The following ABLIM1 variants were observed in gnomAD, a reference collection of about 807,000 sequenced individuals.
ABLIM1 encodes actin-binding LIM protein 1.
In ABLIM1, 40 loss-of-function variants were observed where a neutral mutation model predicts 107.0. The observed-to-expected ratio is 0.37, with a 90% CI of 0.29 to 0.49. The LOEUF (loss-of-function observed/expected upper bound fraction) is 0.49, where lower values mean the gene tolerates loss of function less well. ABLIM1 is among the 20% of genes least tolerant of loss of function. The pLI is 0.97. For synonymous variants in ABLIM1, 357 were observed against 357.3 expected, an observed-to-expected ratio of 1.00 and a Z score of 0.01; for missense variants, 857 against 1,008.5, an observed-to-expected ratio of 0.85 and a Z score of 2.04.
chr10:114,632,496 CA>C (rs2078253675), intron 1 of ABLIM1: 1 of 983,372 alleles, frequency 1.0e-6, no homozygotes, highest in South Asian at 4.8e-5. Flanking sequence ...TAATGTAAAA[CA>C]AAAACAGAAT....
At chr10:114,728,590 G>A (rs1388007722) in intron 1 of ABLIM1, among the ~76,000 whole-genome samples, 62 of 67,528 alleles carry the variant, frequency 9.2e-4, no homozygotes, top group Middle Eastern at 9.6e-3. Flanking sequence ...AAAATGGAGA[G>A]CCAAAAAAAA....
intron 9 of ABLIM1, among the ~76,000 whole-genome samples, chr10:114,473,476 G>A (rs1052158984): frequency 5.9e-5 from 9 of 152,076 alleles, no homozygotes; most frequent in Admixed American, 1.3e-4. Context: ...AACAAGAACT[G>A]CATAATTAAT....
At chr10:114,618,997 C>T (rs1280186653) in intron 1 of ABLIM1, among the ~76,000 whole-genome samples, 1 of 151,924 alleles carries the variant, frequency 6.6e-6, no homozygotes, top group Non-Finnish European at 1.5e-5. Flanking sequence ...TTTTTGAATC[C>T]TGTTGTATAT....
rs184984420 is a variant in ABLIM1, at chr10:114,694,553, G to A, written c.-213+73508C>T. 6.6e-5 allele frequency among the ~76,000 whole-genome samples: 10 copies of A among 152,090 alleles called. No individual in the cohort carries two copies. In the East Asian group the frequency reaches 1.5e-3, roughly 23 times the overall value. ...ATTTAGCAAGTTATTTTATCTATAC[G>A]TATCTCCATATTCTCACCTGTAAGA... is the stretch of plus-strand genomic sequence containing the variant. On this transcript the variant is annotated intron_variant, in intron 1 of 15. Transcript: ENST00000651092.
intron 1 of ABLIM1, among the ~76,000 whole-genome samples, chr10:114,705,659 A>C (rs2081405871): frequency 6.6e-6 from 1 of 152,218 alleles, no homozygotes. Flanking sequence ...GCTGGGCACC[A>C]TGATAGGCAC....
chr10:114,732,592 A>G (rs115452969), intron 1 of ABLIM1, among the ~76,000 whole-genome samples: 3,142 of 152,150 alleles, frequency 0.021, 98 homozygotes, highest in African/African-American at 0.07. Context: ...TATTCCATTT[A>G]TTTTTTCCTT....
At chr10:114,608,532 G>C (rs1464904931) in intron 1 of ABLIM1, among the ~76,000 whole-genome samples, 1 of 152,012 alleles carries the variant, frequency 6.6e-6, no homozygotes, top group Non-Finnish European at 1.5e-5. Context: ...AGCTGGGCGT[G>C]GTGGCGTATG....
At chr10:114,483,494 C>T (rs916430590) in intron 8 of ABLIM1, among the ~76,000 whole-genome samples, 2 of 152,104 alleles carry the variant, frequency 1.3e-5, no homozygotes, top group African/African-American at 4.8e-5. Flanking sequence ...CCAGGCTGGT[C>T]TCAAACTCCT....
chr10:114,473,939 C>T lies in ABLIM1; in HGVS notation c.1059G>A (p.Ser353=), dbSNP rs879103167. The T allele has an allele frequency of 1.2e-5, 20 of 1,613,650 alleles. No individual in the cohort carries two copies. Among genetic ancestry groups the T allele is most frequent in the South Asian group, 5.5e-5 (5 of 91,056 alleles). ...EEKLRPTRTS[S]ESIYSRPGSS... is the part of the protein sequence containing the mutation. ...AGCCTGGCCTAGAATAAATACTTTCCGAGGATGTCCTGGTAGGCTGTAAAA... is the reference window on the plus strand; with the variant it reads ...AGCCTGGCCTAGAATAAATACTTTCTGAGGATGTCCTGGTAGGCTGTAAAA... Residue 353 remains serine (S), a synonymous_variant, in exon 9 of 23, where the codon TCG becomes TCA. Coordinates refer to ENST00000533213, the MANE Select transcript of ABLIM1 (RefSeq NM_002313.7).
chr10:114,449,118 T>C (rs1334521755), intron 14 of ABLIM1, among the ~76,000 whole-genome samples: 1 of 152,168 alleles, frequency 6.6e-6, no homozygotes, highest in African/African-American at 2.4e-5. Flanking sequence ...AGCAGCAATA[T>C]TAGTTCACAA....
chr10:114,682,406 C>G (rs768172506), intron 1 of ABLIM1, among the ~76,000 whole-genome samples: 4 of 152,092 alleles, frequency 2.6e-5, no homozygotes, highest in Admixed American at 2.6e-4. Context: ...CATCCGGGAA[C>G]CAGCTACTGA....
chr10:114,655,309 C>A (rs1011130690), intron 1 of ABLIM1, among the ~76,000 whole-genome samples: 2 of 152,196 alleles, frequency 1.3e-5, no homozygotes, highest in Non-Finnish European at 2.9e-5. Context: ...AGAACTCTCT[C>A]GGATACTGTT....
At chr10:114,498,991 G>A (rs754000404) in intron 6 of ABLIM1, among the ~76,000 whole-genome samples, 4 of 152,210 alleles carry the variant, frequency 2.6e-5, no homozygotes, top group African/African-American at 4.8e-5. Context: ...TATGAGGTAG[G>A]TCGGTGCTAT....
At chr10:114,508,191 A>T (rs1490493663) in intron 6 of ABLIM1, among the ~76,000 whole-genome samples, 1 of 152,112 alleles carries the variant, frequency 6.6e-6, no homozygotes, top group Admixed American at 6.5e-5. Context: ...TCACAAATTT[A>T]CCCTGTTTAG....
At position 114,436,290 on chromosome 10, in the gene ABLIM1, G is replaced by A. The variant is rs745592459; in HGVS notation, c.2307C>T (p.Asn769=). The change falls in exon 23 of 23, where the codon AAC becomes AAT. Residue 769 remains asparagine, a synonymous_variant. Transcript: ENST00000533213. ...AGAGTTTTGCTTTTTTCTTCATGTC[G>A]TTGCGTCTCCAAAGAGGTAACCTGT... is the stretch of plus-strand genomic sequence containing the variant. The part of the protein sequence containing the change: ...EFDRLPLWRR[N]DMKKKAKLF 2.4e-5 allele frequency: 39 copies of A among 1,613,502 alleles called. No homozygotes were observed. Among genetic ancestry groups the A allele is most frequent in the African/African-American group, 5.3e-5 (4 of 74,796 alleles).
rs1401885404 is a variant in ABLIM1, at chr10:114,487,948, G to A, written c.1041+10C>T. The A allele has an allele frequency of 2.5e-6, 4 of 1,613,926 alleles. No individual in the cohort carries two copies. The highest frequency in any genetic ancestry group is 3.4e-6 in the Non-Finnish European group (4 of 1,179,940). On this transcript the variant is annotated intron_variant, in intron 8 of 22. Coordinates refer to ENST00000533213, the MANE Select transcript of ABLIM1 (RefSeq NM_002313.7). The stretch of plus-strand genomic sequence containing the variant: ...ATGCAGCTGGCATCATGTTTTAATT[G>A]TGTCCTTACCCGCAGCTTTTCCTCG...
intron 12 of ABLIM1, among the ~76,000 whole-genome samples, chr10:114,460,590 G>C (rs987280510): frequency 3.3e-5 from 5 of 152,154 alleles, no homozygotes; most frequent in Non-Finnish European, 5.9e-5. Context: ...AACACAGTGA[G>C]ACTCTGTCTC....
intron 21 of ABLIM1, 48 bp from the exon 22 acceptor site, chr10:114,437,972 T>C (rs2059663603): frequency 6.4e-7 from 1 of 1,552,014 alleles, no homozygotes; most frequent in Non-Finnish European, 8.9e-7. Context: ...GTCCATTTTA[T>C]TAACAAGCAG....
At chr10:114,738,071 C>G (rs2082216919) in intron 1 of ABLIM1, among the ~76,000 whole-genome samples, 1 of 152,070 alleles carries the variant, frequency 6.6e-6, no homozygotes, top group African/African-American at 2.4e-5. Context: ...ATTATTTTAA[C>G]AGGGCCTCAC....
Sources: gnomAD v4.1 joint callset for allele counts (sites outside exome capture counted in the v4.1 genomes callset) on GRCh38, gnomAD v4.1.1 for gene constraint, MANE v1.5 for transcripts, NCBI Gene and HGNC (gene_info 2026-07-23, HGNC 2026-07-21) for gene names.